LIX1L: variants seen among roughly 807,000 people sequenced by gnomAD.
LIX1L encodes the protein LIX1-like protein.
Under a neutral mutation model 34.0 loss-of-function variants are expected in LIX1L, and 20 were observed. The ratio of observed to expected loss-of-function variants is 0.59; its 90% CI spans 0.41 to 0.85. The LOEUF is 0.85. Ranked by LOEUF, LIX1L falls within the 40% of genes least tolerant of loss-of-function variation. The pLI, the probability that LIX1L is intolerant of heterozygous loss-of-function variation, is 0.00. For missense variants in LIX1L, 397 were observed against 447.0 expected, an observed-to-expected ratio of 0.89 and a Z score of 1.01; for synonymous variants, 170 against 187.4, an observed-to-expected ratio of 0.91 and a Z score of 0.76.
intron 1 of LIX1L, among the ~76,000 whole-genome samples, chr1:145,954,597 GGGAAATGTAGCAATTACAGAGCAA>G (rs1553760181): frequency 6.6e-6 from 1 of 152,220 alleles, no homozygotes; most frequent in Non-Finnish European, 1.5e-5. Flanking sequence ...GGTTTGAAGA[GGGAAATGTAGCAATTACAGAGCAA>G]GGAAAGTGAG....
chr1:145,947,509 T>G, intron 2 of LIX1L, 110 bp downstream of exon 2: 1 of 1,165,402 alleles, frequency 8.6e-7, no homozygotes, highest in Non-Finnish European at 1.2e-6. Flanking sequence ...CAGAATTGCT[T>G]TAGGTCCTCA....
intron 1 of LIX1L, 70 bp from the exon 2 acceptor site, chr1:145,947,852 A>G: frequency 2.1e-6 from 3 of 1,397,576 alleles, no homozygotes; most frequent in Non-Finnish European, 3.0e-6. Context: ...ACTTCAATAC[A>G]GTACCTGTAA....
chr1:145,936,835 T>C, intron 5 of LIX1L, 73 bp downstream of exon 5: 4 of 1,077,398 alleles, frequency 3.7e-6, no homozygotes, highest in Non-Finnish European at 5.8e-6. Context: ...ATTTCTAACA[T>C]AGTAACCACC....
intron 1 of LIX1L, among the ~76,000 whole-genome samples, chr1:145,952,631 A>G (rs1211422185): frequency 1.3e-5 from 2 of 148,590 alleles, no homozygotes; most frequent in Non-Finnish European, 3.0e-5. Flanking sequence ...TTTTTTTTTG[A>G]GACAAAGTCT....
Position 145,934,925 on chromosome 1 carries a change from G to A in LIX1L, c.*1385C>T, listed in dbSNP as rs1559236244. 1.3e-5 allele frequency: 2 copies of A among 152,116 alleles called. No individual in the cohort carries two copies. Among genetic ancestry groups the A allele is most frequent in the Admixed American group, 6.6e-5 (1 of 15,256 alleles). The allele number at this position is 152,116 out of a possible 1,614,324, so 9.4% of individuals were successfully genotyped here. A position where few individuals can be genotyped will look rare whatever the true frequency, so the allele number is the denominator to read the frequency against. On this transcript the variant is annotated 3_prime_UTR_variant, in exon 6 of 6. Coordinates refer to ENST00000604000, the MANE Select transcript of LIX1L (RefSeq NM_153713.3). ...CTCACGCCTGTAATCCCAGCACTTT[G>A]GGAGGCTGAGGCGGGTGGATTACCT... is the stretch of plus-strand genomic sequence containing the variant.
intron 1 of LIX1L, among the ~76,000 whole-genome samples, chr1:145,949,794 T>C (rs1310648560): frequency 6.6e-6 from 1 of 151,952 alleles, no homozygotes; most frequent in Non-Finnish European, 1.5e-5. Flanking sequence ...CTCTGAAATA[T>C]CTTGCAACAT....
chr1:145,934,055 G>A lies in LIX1L; in HGVS notation c.*2255C>T. ...TTCTAAAAGCAAAGTCTGTATAATT[G>A]TTAAGTGGGAAGTCCAATTGCAGGA... On this transcript the variant is annotated 3_prime_UTR_variant, in exon 6 of 6. Transcript: ENST00000604000. 1 of 152,328 alleles carries A rather than the reference G, an allele frequency of 6.6e-6. No individual in the cohort carries two copies. Among genetic ancestry groups the A allele is most frequent in the African/African-American group, 2.4e-5 (1 of 41,540 alleles). 9.4% of individuals were successfully genotyped at this position (152,328 alleles called of 1,614,324 possible).
chr1:145,944,506 T>C (rs1649032892), intron 2 of LIX1L: 1 of 152,248 alleles, frequency 6.6e-6, no homozygotes, highest in Non-Finnish European at 1.5e-5. Context: ...AGTGCTTCAA[T>C]TTGTCTGTTT....
At chr1:145,947,239 C>T (rs1649142212) in intron 2 of LIX1L, 1 of 191,268 alleles carries the variant, frequency 5.2e-6, no homozygotes, top group African/African-American at 2.3e-5. Context: ...ACATTGCTTT[C>T]TTTAGTAATT....
chr1:145,940,524 T>TTTTA (rs781863258), intron 3 of LIX1L, among the ~76,000 whole-genome samples: 31,768 of 145,250 alleles, frequency 0.22, 8,051 homozygotes, highest in African/African-American at 0.63. Flanking sequence ...TTTTTGTATT[T>TTTTA]TTTCTTTTTT....
At chr1:145,947,449 G>T in intron 2 of LIX1L, 170 bp downstream of exon 2, 1 of 655,686 alleles carries the variant, frequency 1.5e-6, no homozygotes, top group Non-Finnish European at 2.6e-6. Context: ...ATGCTACTGA[G>T]GTTCTACTAT....
chr1:145,943,775 C>T (rs1315183325), intron 2 of LIX1L, among the ~76,000 whole-genome samples: 4 of 152,100 alleles, frequency 2.6e-5, no homozygotes, highest in African/African-American at 9.7e-5. Context: ...GTGGCTCACA[C>T]CTGTAATCCC....
chr1:145,942,825 C>G lies in LIX1L; in HGVS notation c.485G>C (p.Arg162Thr), dbSNP rs782237897. The G allele has an allele frequency of 6.2e-7, 1 of 1,614,122 alleles. No homozygotes were observed. Among genetic ancestry groups the G allele is most frequent in the South Asian group, 1.1e-5 (1 of 91,086 alleles). The change falls in exon 3 of 6, where the codon AGG (arginine) becomes ACG (threonine). Residue 162 changes from arginine to threonine, a missense_variant. Around this residue, in one of 3 missense-constraint regions of LIX1L, gnomAD observed 16 missense variants for 37.8 expected, o/e 0.42. Transcript: ENST00000604000. ...CATTAGCGCAATCTTTGCAGCACTCCTCCGGGCCTCAGCTTTTGTGGGGCA... is the reference window on the plus strand; with the variant it reads ...CATTAGCGCAATCTTTGCAGCACTCGTCCGGGCCTCAGCTTTTGTGGGGCA... ...QFCPTKAEARRSAAKIALMNS... is the reference protein window; with the variant it reads ...QFCPTKAEARTSAAKIALMNS...
intron 3 of LIX1L, among the ~76,000 whole-genome samples, chr1:145,938,498 T>C (rs191123193): frequency 5.9e-5 from 9 of 152,346 alleles, no homozygotes; most frequent in Admixed American, 5.2e-4. Flanking sequence ...CAGTTTCCTC[T>C]TCTGTAAGAT....
chr1:145,956,842 T>G (rs1409000559), intron 1 of LIX1L, among the ~76,000 whole-genome samples: 7 of 152,198 alleles, frequency 4.6e-5, no homozygotes, highest in African/African-American at 1.7e-4. Flanking sequence ...TTCCAGAAAT[T>G]AACGAAGTTT....
chr1:145,943,740 T>C (rs587648217), intron 2 of LIX1L, among the ~76,000 whole-genome samples: 3 of 152,108 alleles, frequency 2.0e-5, no homozygotes, highest in African/African-American at 7.2e-5. Flanking sequence ...TTGCAGTTTT[T>C]AAAAGTAGAC....
chr1:145,933,945 C>G lies in LIX1L; in HGVS notation c.*2365G>C, dbSNP rs1243223241. 1 of 152,200 alleles carries G rather than the reference C, an allele frequency of 6.6e-6. No individual in the cohort carries two copies. Among genetic ancestry groups the G allele is most frequent in the Non-Finnish European group, 1.5e-5 (1 of 68,020 alleles). 9.4% of individuals were successfully genotyped at this position (152,200 alleles called of 1,614,324 possible). On this transcript the variant is annotated 3_prime_UTR_variant, in exon 6 of 6. Transcript: ENST00000604000. ...GCCTTTCATCTTGCCCCTATCAAAT[C>G]CAAAAGAGCCAATTATAGCCTGTTT...
intron 5 of LIX1L, 138 bp from the exon 6 acceptor site, chr1:145,936,690 A>G (rs1648659044): frequency 9.6e-7 from 1 of 1,042,556 alleles, no homozygotes; most frequent in Admixed American, 2.2e-5. Flanking sequence ...GAGATTCTTA[A>G]AGGCACTTCC....
intron 1 of LIX1L, among the ~76,000 whole-genome samples, chr1:145,953,530 C>T (rs782390278): frequency 6.6e-5 from 10 of 152,138 alleles, no homozygotes; most frequent in Non-Finnish European, 1.3e-4. Context: ...AAATAGCCCA[C>T]GATCCACAGT....
Sources: gnomAD v4.1 joint callset for allele counts (sites outside exome capture counted in the v4.1 genomes callset) on GRCh38, gnomAD v4.1.1 for gene constraint, gnomAD v4.1.1 regional missense constraint, MANE v1.5 for transcripts, NCBI Gene and HGNC (gene_info 2026-07-23, HGNC 2026-07-21) for gene names.